The following GLDN variants were observed in gnomAD, a reference collection of about 807,000 sequenced individuals.
GLDN encodes collomin.
Under a neutral mutation model 56.5 loss-of-function variants are expected in GLDN, and 47 were observed. That is an observed-to-expected ratio of 0.83 (90% CI 0.66 to 1.06). The LOEUF is 1.06. Among genes scored for constraint, GLDN ranks in the 50% least tolerant of loss-of-function variants. The pLI is 0.00. For missense variants in GLDN, 782 were observed against 714.3 expected, an observed-to-expected ratio of 1.09 and a Z score of -1.08; for synonymous variants, 332 against 278.8, an observed-to-expected ratio of 1.19 and a Z score of -1.90.
At chr15:51,388,762 G>T (rs548135459) in intron 4 of GLDN, among the ~76,000 whole-genome samples, 3 of 152,330 alleles carry the variant, frequency 2.0e-5, no homozygotes, top group African/African-American at 7.2e-5. Flanking sequence ...AAGGGGCTTG[G>T]GCCCTGTTGT....
chr15:51,368,615 T>C (rs1479554481), intron 1 of GLDN, among the ~76,000 whole-genome samples: 1 of 151,378 alleles, frequency 6.6e-6, no homozygotes, highest in Non-Finnish European at 1.5e-5. Flanking sequence ...AGTTAGGATT[T>C]TAAGAGTTTA....
downstream of GLDN, among the ~76,000 whole-genome samples, chr15:51,410,046 A>C (rs2038449465): frequency 3.3e-5 from 5 of 151,962 alleles, no homozygotes; most frequent in Non-Finnish European, 2.9e-5. Context: ...TGTTACTCTC[A>C]AGATTACCAC....
intron 1 of GLDN, chr15:51,369,052 C>G (rs1248086209): frequency 1.3e-5 from 2 of 152,202 alleles, no homozygotes; most frequent in African/African-American, 4.8e-5. Flanking sequence ...CTCACCAAGT[C>G]TTGGCCCCTG....
chr15:51,388,151 G>A (rs2037940459), intron 4 of GLDN, among the ~76,000 whole-genome samples: 1 of 152,032 alleles, frequency 6.6e-6, no homozygotes, highest in Admixed American at 6.5e-5. Flanking sequence ...GATCATCCTT[G>A]GCCTCTGTGT....
chr15:51,392,416 C>T (rs1432988710), intron 4 of GLDN, among the ~76,000 whole-genome samples: 1 of 152,248 alleles, frequency 6.6e-6, no homozygotes, highest in African/African-American at 2.4e-5. Context: ...CTGTCACTGT[C>T]TCCCATCACC....
At chr15:51,391,042 C>T (rs1032164035) in intron 4 of GLDN, among the ~76,000 whole-genome samples, 11 of 152,200 alleles carry the variant, frequency 7.2e-5, no homozygotes, top group African/African-American at 2.7e-4. Context: ...GGCAATTTTA[C>T]TGACAAAGAC....
chr15:51,384,231 C>A, intron 4 of GLDN: 1 of 322,196 alleles, frequency 3.1e-6, no homozygotes, highest in Non-Finnish European at 5.8e-6. Context: ...CATGCTCTTT[C>A]GAGGCTCAGC....
intron 2 of GLDN, among the ~76,000 whole-genome samples, chr15:51,382,835 C>T (rs1273925757): frequency 1.3e-5 from 2 of 152,134 alleles, no homozygotes; most frequent in African/African-American, 4.8e-5. Context: ...ATAAGACACC[C>T]CTATTTGTGG....
At chr15:51,390,230 G>A (rs1474133956) in intron 4 of GLDN, among the ~76,000 whole-genome samples, 1 of 152,218 alleles carries the variant, frequency 6.6e-6, no homozygotes, top group Non-Finnish European at 1.5e-5. Flanking sequence ...GCTTAGAAGA[G>A]GGCTTGACAC....
chr15:51,354,614 A>G (rs541638984), intron 1 of GLDN, among the ~76,000 whole-genome samples: 8 of 152,232 alleles, frequency 5.3e-5, no homozygotes, highest in Non-Finnish European at 1.0e-4. Flanking sequence ...AGGTCTAGGG[A>G]TTGAAATGAA....
At chr15:51,342,607 A>C (rs750757847) in intron 1 of GLDN, among the ~76,000 whole-genome samples, 5 of 152,180 alleles carry the variant, frequency 3.3e-5, no homozygotes, top group Non-Finnish European at 7.3e-5. Flanking sequence ...TTTACTGCCC[A>C]CCTGGGACCT....
intron 5 of GLDN, 106 bp downstream of exon 5, chr15:51,395,087 A>G (rs2038098858): frequency 8.7e-7 from 1 of 1,145,384 alleles, no homozygotes; most frequent in African/African-American, 1.6e-5. Context: ...TTATGGCCTT[A>G]TGTGGCCATC....
In GLDN at chr15:51,341,880, C is replaced by A. The variant is rs756302886; in HGVS notation, c.196C>A (p.Arg66Ser). The A allele has an allele frequency of 5.1e-6, 8 of 1,572,168 alleles. No individual in the cohort carries two copies. In the Admixed American group the frequency reaches 7.1e-5, roughly 14 times the overall value. ...GGAGCAGCGCGAGGACAGTGCCCTG[C>A]GCTCCTTCCTGGCCGAGTTGAGCCG... is the stretch of plus-strand genomic sequence containing the variant. ...GREQREDSAL[R>S]SFLAELSRAP... is the part of the protein sequence containing the mutation. The change falls in exon 1 of 10, where the codon CGC becomes AGC. Residue 66 changes from arginine (R) to serine (S), a missense_variant. Coordinates refer to ENST00000335449, the MANE Select transcript of GLDN (RefSeq NM_181789.4).
In GLDN at chr15:51,404,480, A is replaced by G. The variant is rs147993127; in HGVS notation, c.1382A>G (p.Gln461Arg). 1.2e-6 allele frequency: 2 copies of G among 1,614,094 alleles called. No individual in the cohort carries two copies. The highest frequency in any genetic ancestry group is 2.7e-5 in the African/African-American group (2 of 74,940). ...QLDERTFSVV[Q>R]HVNTTYPKSK... ...GATGAGAGGACATTCTCAGTGGTGCAACACGTCAATACCACGTACCCTAAA... is the reference window on the plus strand; with the variant it reads ...GATGAGAGGACATTCTCAGTGGTGCGACACGTCAATACCACGTACCCTAAA... Residue 461 changes from glutamine to arginine, a missense_variant, in exon 10 of 10, where the codon CAA becomes CGA. Coordinates refer to ENST00000335449, the MANE Select transcript of GLDN (RefSeq NM_181789.4).
chr15:51,347,256 A>G (rs1387279311), intron 1 of GLDN, among the ~76,000 whole-genome samples: 3 of 152,236 alleles, frequency 2.0e-5, no homozygotes, highest in Non-Finnish European at 2.9e-5. Flanking sequence ...TCATAAGCAC[A>G]TGGGAAAAGA....
chr15:51,364,142 T>C (rs1488073231), intron 1 of GLDN, among the ~76,000 whole-genome samples: 1 of 152,224 alleles, frequency 6.6e-6, no homozygotes, highest in Non-Finnish European at 1.5e-5. Context: ...TTGGAATTTT[T>C]TTTGCCATTG....
In GLDN at chr15:51,355,745, G is replaced by A. The variant is rs535792035; in HGVS notation, c.363+13698G>A. ...TCACCGTGTTAGCCGGGATGGTCTT[G>A]ATCTCCTGACTTTGTGATCTGCCCA... On this transcript the variant is annotated intron_variant, in intron 1 of 9. Transcript: ENST00000335449. 9.8e-4 allele frequency among the ~76,000 whole-genome samples: 147 copies of A among 149,592 alleles called. 3 individuals carry two copies. The Middle Eastern group carries it at 0.028, about 28-fold the overall frequency.
At chr15:51,354,052 T>C (rs2037129120) in intron 1 of GLDN, among the ~76,000 whole-genome samples, 3 of 152,234 alleles carry the variant, frequency 2.0e-5, no homozygotes, top group African/African-American at 7.2e-5. Flanking sequence ...AGACACACTT[T>C]TCTTTTCTGA....
intron 1 of GLDN, among the ~76,000 whole-genome samples, chr15:51,357,958 C>T (rs903815939): frequency 2.2e-4 from 33 of 152,138 alleles, no homozygotes; most frequent in African/African-American, 7.5e-4. Context: ...ACCTGTCCCT[C>T]GTACCCTGTA....
Sources: allele counts gnomAD v4.1 joint callset (sites outside exome capture counted in the v4.1 genomes callset), GRCh38; gene constraint gnomAD v4.1.1; transcripts MANE v1.5; gene names NCBI Gene and HGNC (gene_info 2026-07-23, HGNC 2026-07-21).